Variants in DCDC2 observed in about 807,000 individuals in gnomAD.
DCDC2 encodes the protein doublecortin domain containing 2, also known as doublecortin domain-containing protein 2.
Under a neutral mutation model 50.2 loss-of-function variants are expected in DCDC2, and 40 were observed. The ratio of observed to expected loss-of-function variants is 0.80; its 90% CI spans 0.62 to 1.04. DCDC2 has a LOEUF of 1.04. Among genes scored for constraint, DCDC2 ranks in the 50% least tolerant of loss-of-function variants. The probability of loss-of-function intolerance (pLI) is 0.00; values close to 1 mark genes in which losing one functional copy is unlikely to be tolerated. For missense variants in DCDC2, 570 were observed against 581.9 expected (o/e 0.98, Z 0.21); for synonymous variants, 234 against 210.6 (o/e 1.11, Z -0.96).
chr6:24,355,455 G>A lies in DCDC2; in HGVS notation c.294-1832C>T, dbSNP rs183189862. 7.1e-4 allele frequency among the ~76,000 whole-genome samples: 108 copies of A among 152,262 alleles called. No individual in the cohort carries two copies. The South Asian group carries it at 7.2e-3, about 10-fold the overall frequency. On this transcript the variant is annotated intron_variant, in intron 1 of 9. Coordinates refer to ENST00000378454, the MANE Select transcript of DCDC2 (RefSeq NM_016356.5). ...TATGTAACAAAAGGAACTGGTCATAGAGGTGTCTTATATTTATGTAACACT... is the reference window on the plus strand; with the variant it reads ...TATGTAACAAAAGGAACTGGTCATAAAGGTGTCTTATATTTATGTAACACT...
At chr6:24,321,948 C>G (rs1759781249) in intron 2 of DCDC2, among the ~76,000 whole-genome samples, 1 of 152,028 alleles carries the variant, frequency 6.6e-6, no homozygotes, top group East Asian at 1.9e-4. Flanking sequence ...ATCTTGAAAA[C>G]ATGTATGTAA....
intron 7 of DCDC2, among the ~76,000 whole-genome samples, chr6:24,206,496 T>TC (rs1475504088): frequency 3.9e-5 from 6 of 152,212 alleles, no homozygotes; most frequent in African/African-American, 1.4e-4. Context: ...GATGCTAAAC[T>TC]CAGTAGACTA....
chr6:24,281,168 T>A (rs918173785), intron 6 of DCDC2, among the ~76,000 whole-genome samples: 6 of 152,126 alleles, frequency 3.9e-5, no homozygotes, highest in Admixed American at 2.6e-4. Flanking sequence ...TTTTGGAGTA[T>A]CAAGAAAGAC....
chr6:24,194,904 C>G (rs187381523), intron 8 of DCDC2, among the ~76,000 whole-genome samples: 1 of 152,280 alleles, frequency 6.6e-6, no homozygotes, highest in Admixed American at 6.5e-5. Context: ...TGTGAACATT[C>G]TTCTGTCTTT....
chr6:24,209,918 C>T (rs1761820714), intron 7 of DCDC2, among the ~76,000 whole-genome samples: 1 of 152,010 alleles, frequency 6.6e-6, no homozygotes, highest in Admixed American at 6.5e-5. Context: ...TAACAGCACC[C>T]CAGAGAGATT....
At chr6:24,211,541 T>C (rs915688334) in intron 7 of DCDC2, among the ~76,000 whole-genome samples, 1 of 152,114 alleles carries the variant, frequency 6.6e-6, no homozygotes, top group African/African-American at 2.4e-5. Context: ...GGGAAGAGAA[T>C]TGTGGCTTAT....
At chr6:24,280,431 T>C (rs1435317947) in intron 6 of DCDC2, among the ~76,000 whole-genome samples, 1 of 151,576 alleles carries the variant, frequency 6.6e-6, no homozygotes, top group Admixed American at 6.6e-5. Flanking sequence ...TGCCATAAAC[T>C]GTCTGGCAGA....
chr6:24,333,451 T>TCA (rs1007105851), intron 2 of DCDC2, among the ~76,000 whole-genome samples: 4 of 151,664 alleles, frequency 2.6e-5, no homozygotes, highest in South Asian at 2.1e-4. Flanking sequence ...CCAATCCAAT[T>TCA]CACACACACA....
the DCDC2 span, among the ~76,000 whole-genome samples, chr6:24,364,768 G>A: frequency 9.3e-5 from 14 of 150,984 alleles, no homozygotes; most frequent in Admixed American, 8.6e-4. Flanking sequence ...CTTGACAACC[G>A]AAGAGATTCT....
intron 7 of DCDC2, among the ~76,000 whole-genome samples, chr6:24,214,211 C>T (rs1761931257): frequency 6.6e-6 from 1 of 152,114 alleles, no homozygotes; most frequent in Non-Finnish European, 1.5e-5. Flanking sequence ...ATCTGTTATG[C>T]AATTGATGTA....
At chr6:24,192,234 T>A (rs2113751729) in intron 8 of DCDC2, among the ~76,000 whole-genome samples, 2 of 152,278 alleles carry the variant, frequency 1.3e-5, no homozygotes, top group Middle Eastern at 6.8e-3. Context: ...TCCCAAAATG[T>A]TGACAGCTAG....
intron 7 of DCDC2, among the ~76,000 whole-genome samples, chr6:24,234,814 A>G (rs986558127): frequency 2.0e-5 from 3 of 152,182 alleles, no homozygotes; most frequent in Admixed American, 1.3e-4. Context: ...CCAAGTGTCA[A>G]TTTTAAGAAG....
chr6:24,348,850 G>T (rs188017970), intron 2 of DCDC2, among the ~76,000 whole-genome samples: 1 of 151,882 alleles, frequency 6.6e-6, no homozygotes, highest in South Asian at 2.1e-4. Flanking sequence ...CCTACACGCT[G>T]AACTCCCAAA....
chr6:24,205,398 G>T (rs1425026771), intron 7 of DCDC2: 1 of 1,360,704 alleles, frequency 7.3e-7, no homozygotes, highest in East Asian at 2.5e-5. Flanking sequence ...TACAGGCATT[G>T]AGATGAGAAG....
chr6:24,305,253 T>C (rs540360642), intron 2 of DCDC2, among the ~76,000 whole-genome samples: 2 of 152,330 alleles, frequency 1.3e-5, no homozygotes, highest in Admixed American at 1.3e-4. Flanking sequence ...TAAATAATAA[T>C]TGTTTTCCTC....
rs182146459 is a variant in DCDC2 at position 24,180,433 on chromosome 6, C to T, written c.1024-1801G>A. Among the ~76,000 whole-genome samples, 340 of 151,964 alleles carry T rather than the reference C, an allele frequency of 2.2e-3. 2 individuals are homozygous for T. In the South Asian group the frequency reaches 0.024, roughly 11 times the overall value. ...CCGAGTAGCTGGGACTACAGGCGCCCGCCACCACGCCCGGCTAAATTTTTT... is the reference window on the plus strand; with the variant it reads ...CCGAGTAGCTGGGACTACAGGCGCCTGCCACCACGCCCGGCTAAATTTTTT... On this transcript the variant is annotated intron_variant, in intron 8 of 9. Coordinates refer to ENST00000378454, the MANE Select transcript of DCDC2 (RefSeq NM_016356.5).
intron 7 of DCDC2, among the ~76,000 whole-genome samples, chr6:24,272,577 A>G (rs1023710039): frequency 1.3e-5 from 2 of 152,248 alleles, no homozygotes; most frequent in East Asian, 1.9e-4. Context: ...ATTTTTCAAA[A>G]GAAGACATAA....
At chr6:24,287,124 G>T (rs1453496164) in intron 6 of DCDC2, among the ~76,000 whole-genome samples, 2 of 152,134 alleles carry the variant, frequency 1.3e-5, no homozygotes, top group African/African-American at 4.8e-5. Flanking sequence ...ACAAACACTA[G>T]ACTCTTCATT....
rs187485615 is a variant in DCDC2, at chr6:24,223,811, C to T, written c.923-18709G>A. On this transcript the variant is annotated intron_variant, in intron 7 of 9. Transcript: ENST00000378454. ...GGCCAGTGTAACCACCAAAATGGTA[C>T]TTACAAAGAAAAGTACAATTGATGC... Among the ~76,000 whole-genome samples, 151 of 152,294 alleles carry T rather than the reference C, an allele frequency of 9.9e-4. 1 individual carries two copies. The East Asian group carries it at 0.027, about 27-fold the overall frequency.
Sources: gnomAD v4.1 joint callset for allele counts (sites outside exome capture counted in the v4.1 genomes callset) on GRCh38, gnomAD v4.1.1 for gene constraint, MANE v1.5 for transcripts, NCBI Gene and HGNC (gene_info 2026-07-23, HGNC 2026-07-21) for gene names.